The following CHST11 variants were observed in gnomAD, a reference collection of about 807,000 sequenced individuals.
The protein encoded by CHST11 is carbohydrate sulfotransferase 11.
In CHST11, 9 loss-of-function variants were observed where a neutral mutation model predicts 30.4. The ratio of observed to expected loss-of-function variants is 0.30; its 90% CI spans 0.18 to 0.52. CHST11 has a LOEUF of 0.52. CHST11 is among the 20% of genes least tolerant of loss of function. The pLI is 0.97. For synonymous variants in CHST11, 152 were observed against 187.8 expected, an observed-to-expected ratio of 0.81 and a Z score of 1.56; for missense variants, 348 against 460.6, an observed-to-expected ratio of 0.76 and a Z score of 2.24.
chr12:104,504,690 G>A (rs745638013), intron 1 of CHST11, among the ~76,000 whole-genome samples: 18 of 152,158 alleles, frequency 1.2e-4, no homozygotes, highest in Non-Finnish European at 1.9e-4. Flanking sequence ...GGCTGAGTGT[G>A]GTGGGTGGTG....
chr12:104,592,826 G>A (rs1048067740), intron 1 of CHST11, among the ~76,000 whole-genome samples: 5 of 152,102 alleles, frequency 3.3e-5, no homozygotes, highest in African/African-American at 1.2e-4. Flanking sequence ...TTATACTTTC[G>A]GAAGTAGGCA....
At chr12:104,476,173 T>C (rs2037559746) in intron 1 of CHST11, among the ~76,000 whole-genome samples, 1 of 146,350 alleles carries the variant, frequency 6.8e-6, no homozygotes, top group Non-Finnish European at 1.5e-5. Flanking sequence ...AATAGAATTA[T>C]AATTATAAAA....
At chr12:104,485,989 C>T (rs142345409) in intron 1 of CHST11, among the ~76,000 whole-genome samples, 13 of 152,060 alleles carry the variant, frequency 8.5e-5, no homozygotes, top group African/African-American at 2.9e-4. Context: ...ATTCTGTGTG[C>T]GTGTGTGTGT....
At chr12:104,658,743 T>G (rs2039569212) in intron 2 of CHST11, among the ~76,000 whole-genome samples, 1 of 152,220 alleles carries the variant, frequency 6.6e-6, no homozygotes, top group Non-Finnish European at 1.5e-5. Context: ...TCCATAATAA[T>G]GATAACTACT....
At chr12:104,547,591 G>A (rs989066622) in intron 1 of CHST11, among the ~76,000 whole-genome samples, 4 of 152,104 alleles carry the variant, frequency 2.6e-5, no homozygotes, top group Non-Finnish European at 5.9e-5. Context: ...AGCACAAGAC[G>A]GCATAGCTGA....
rs1052067549 is a variant in CHST11 at position 104,470,462 on chromosome 12, C to T, written c.118+12933C>T. ...GCATGGGGGAAACCACCCCCATGAT[C>T]CAACTAACTCCACTTGGTCCTGCCC... On this transcript the variant is annotated intron_variant, in intron 1 of 2. Transcript: ENST00000303694. Among the ~76,000 whole-genome samples, 3 of 152,124 alleles carry T rather than the reference C, an allele frequency of 2.0e-5. No individual in the cohort carries two copies. In the East Asian group the frequency reaches 5.8e-4, roughly 29 times the overall value.
In CHST11 at chr12:104,729,883, G is replaced by A. The variant is rs2040243595; in HGVS notation, c.205-27066G>A. Among the ~76,000 whole-genome samples the A allele has an allele frequency of 6.6e-6, 1 of 152,208 alleles. No individual in the cohort carries two copies. ...CAAGGTCCACCAGGTGGGAGGGCAA[G>A]GCCTCCTCCTCTGGCCGTGCGTGTC... On this transcript the variant is annotated intron_variant, in intron 2 of 2. Coordinates refer to ENST00000303694, the MANE Select transcript of CHST11 (RefSeq NM_018413.6). The surrounding 1 kb of genome is among the most constrained non-coding windows in gnomAD (Gnocchi z 4.0).
At chr12:104,754,790 T>C in intron 2 of CHST11, among the ~76,000 whole-genome samples, 1 of 152,232 alleles carries the variant, frequency 6.6e-6, no homozygotes, top group East Asian at 1.9e-4. Flanking sequence ...TCTTCACACA[T>C]AGACCTTGCA....
intron 1 of CHST11, among the ~76,000 whole-genome samples, chr12:104,486,540 G>C (rs2037680784): frequency 6.6e-6 from 1 of 152,190 alleles, no homozygotes; most frequent in African/African-American, 2.4e-5. Context: ...ATGCATGAGA[G>C]AGTTTGACAG....
intron 2 of CHST11, among the ~76,000 whole-genome samples, chr12:104,606,259 C>T (rs2136050180): frequency 6.6e-6 from 1 of 151,732 alleles, no homozygotes; most frequent in Non-Finnish European, 1.5e-5. Context: ...GGTGGCGCCT[C>T]ATTGGTCAAG....
chr12:104,481,938 A>G (rs1412264074), intron 1 of CHST11, among the ~76,000 whole-genome samples: 1 of 150,694 alleles, frequency 6.6e-6, no homozygotes, highest in Non-Finnish European at 1.5e-5. Context: ...CCCATGTTCA[A>G]GCAATTCTCC....
intron 1 of CHST11, among the ~76,000 whole-genome samples, chr12:104,467,686 AAG>A (rs1267683804): frequency 6.6e-6 from 1 of 152,174 alleles, no homozygotes; most frequent in African/African-American, 2.4e-5. Flanking sequence ...GCCTTGGGAG[AAG>A]AAACTCACAA....
At chr12:104,516,869 A>G (rs1441667629) in intron 1 of CHST11, among the ~76,000 whole-genome samples, 2 of 151,990 alleles carry the variant, frequency 1.3e-5, no homozygotes, top group Non-Finnish European at 2.9e-5. Flanking sequence ...GCTCATTTGG[A>G]TTGATTTCCT....
chr12:104,529,046 T>C (rs1188774702), intron 1 of CHST11, among the ~76,000 whole-genome samples: 1 of 152,252 alleles, frequency 6.6e-6, no homozygotes, highest in Non-Finnish European at 1.5e-5. Context: ...TTTCTCATTT[T>C]ACCTTAGTGC....
rs561757895 is a variant in CHST11, at chr12:104,666,247, G to A, written c.204+64256G>A. On this transcript the variant is annotated intron_variant, in intron 2 of 2. Coordinates refer to ENST00000303694, the MANE Select transcript of CHST11 (RefSeq NM_018413.6). ...TATGCTTAGCATTTGAAATGATCAC[G>A]GGTATAGGTTTTCTGTCCCTGAAAA... Among the ~76,000 whole-genome samples the A allele has an allele frequency of 5.3e-5, 8 of 152,242 alleles. 1 individual carries two copies. Among genetic ancestry groups the A allele is most frequent in the East Asian group, 3.9e-4 (2 of 5,182 alleles).
At chr12:104,542,106 C>A (rs2038292499) in intron 1 of CHST11, among the ~76,000 whole-genome samples, 2 of 152,188 alleles carry the variant, frequency 1.3e-5, no homozygotes, top group African/African-American at 4.8e-5. Flanking sequence ...AAGAGTGAGG[C>A]ATGCTTCTAA....
At chr12:104,679,374 G>A (rs557316360) in intron 2 of CHST11, among the ~76,000 whole-genome samples, 3 of 152,128 alleles carry the variant, frequency 2.0e-5, no homozygotes, top group Non-Finnish European at 2.9e-5. Context: ...TAAACCCGTT[G>A]GGAGGGTACC....
At chr12:104,556,908 G>T (rs1401901543) in intron 1 of CHST11, among the ~76,000 whole-genome samples, 1 of 151,676 alleles carries the variant, frequency 6.6e-6, no homozygotes, top group Non-Finnish European at 1.5e-5. Context: ...TTGAACCCAG[G>T]AGGTGGAGGC....
At chr12:104,700,647 C>T (rs1343024334) in intron 2 of CHST11, among the ~76,000 whole-genome samples, 1 of 152,138 alleles carries the variant, frequency 6.6e-6, no homozygotes, top group Non-Finnish European at 1.5e-5. Context: ...TACCTGGCAC[C>T]TGGTAATACA....
Sources: allele counts gnomAD v4.1 joint callset (sites outside exome capture counted in the v4.1 genomes callset), GRCh38; gene constraint gnomAD v4.1.1; non-coding constraint Gnocchi (gnomAD v3.1); transcripts MANE v1.5; gene names NCBI Gene and HGNC (gene_info 2026-07-23, HGNC 2026-07-21).